Variants in EPHA2 observed in about 807,000 individuals in gnomAD.
EPHA2 encodes the protein ephrin type-A receptor 2.
In EPHA2, 54 loss-of-function variants were observed where a neutral mutation model predicts 104.9. That is an observed-to-expected ratio of 0.51 (90% CI 0.41 to 0.65). The LOEUF (loss-of-function observed/expected upper bound fraction) is 0.65, where lower values mean the gene tolerates loss of function less well. Ranked by LOEUF, EPHA2 falls within the 30% of genes least tolerant of loss-of-function variation. The probability of loss-of-function intolerance (pLI) is 0.00; values close to 1 mark genes in which losing one functional copy is unlikely to be tolerated. For missense variants in EPHA2, 1,117 were observed against 1,369.5 expected, an observed-to-expected ratio of 0.82 and a Z score of 2.91; for synonymous variants, 560 against 559.1, an observed-to-expected ratio of 1.00 and a Z score of -0.02.
At position 16,124,548 on chromosome 1, in the gene EPHA2, C is replaced by T. The variant is rs1425929726; in HGVS notation, c.*667G>A. ...CTCCTGCAGCACCGGTCCCTGAGTC[C>T]CCAGCTCACGAATGTTTGACACCCT... On this transcript the variant is annotated 3_prime_UTR_variant, in exon 17 of 17. Transcript: ENST00000358432. The T allele has an allele frequency of 6.5e-6, 1 of 152,672 alleles. No homozygotes were observed. Among genetic ancestry groups the T allele is most frequent in the Non-Finnish European group, 1.5e-5 (1 of 68,192 alleles). The allele number at this position is 152,672 out of a possible 1,614,324, so 9.5% of individuals were successfully genotyped here.
At position 16,131,129 on chromosome 1, in the gene EPHA2, C is replaced by T. The variant is rs1329802281; in HGVS notation, c.2475+592G>A. Among the ~76,000 whole-genome samples the T allele has an allele frequency of 6.6e-6, 1 of 152,202 alleles. No individual in the cohort carries two copies. Among genetic ancestry groups the T allele is most frequent in the East Asian group, 1.9e-4 (1 of 5,190 alleles). On this transcript the variant is annotated intron_variant, in intron 14 of 16. Transcript: ENST00000358432. The surrounding 1 kb of genome is among the most constrained non-coding windows in gnomAD (Gnocchi z 5.2). ...GAGGCACCAAGCACACAGACACACA[C>T]ACACATGCATGCATGCACATGTGCA...
In EPHA2 at chr1:16,138,239, C is replaced by T. The variant is rs11587462; in HGVS notation, c.979+36G>A. 5.0e-6 allele frequency: 8 copies of T among 1,612,634 alleles called. No homozygotes were observed. In the African/African-American group the frequency reaches 8.0e-5, roughly 16 times the overall value. ...GCTGGACCCAGGCGGACACGTCACC[C>T]TCAGTCACGCCACCCTGACCCACTG... On this transcript the variant is annotated intron_variant, in intron 4 of 16. Transcript: ENST00000358432.
intron 3 of EPHA2, among the ~76,000 whole-genome samples, chr1:16,143,652 G>A (rs1371566577): frequency 1.3e-5 from 2 of 152,072 alleles, no homozygotes; most frequent in Admixed American, 1.3e-4. Flanking sequence ...TCCTCCCAAG[G>A]CACAGCCACC....
Position 16,150,838 on chromosome 1 carries a change from C to T in EPHA2, c.153+58G>A, listed in dbSNP as rs981764365. Reference sequence around the variant, plus strand: ...TCCCTGGGCCTCAGTTTCTCCATCTCTACAGGGGACCAGCAGCCCCATTCT... The same window carrying T: ...TCCCTGGGCCTCAGTTTCTCCATCTTTACAGGGGACCAGCAGCCCCATTCT... On this transcript the variant is annotated intron_variant, in intron 2 of 16. Transcript: ENST00000358432. The surrounding 1 kb of genome is among the most constrained non-coding windows in gnomAD (Gnocchi z 4.8). 1 of 1,594,492 alleles carries T rather than the reference C, an allele frequency of 6.3e-7. No individual in the cohort carries two copies. The highest frequency in any genetic ancestry group is 1.3e-5 in the African/African-American group (1 of 74,496).
At chr1:16,133,660 G>A (rs1339896771) in intron 9 of EPHA2, 54 bp from the exon 10 acceptor site, 33 of 1,609,418 alleles carry the variant, frequency 2.1e-5, no homozygotes, top group African/African-American at 5.3e-5. Flanking sequence ...CCCATGGGGG[G>A]TGCTCTGGAG....
chr1:16,151,390 G>T (rs1369075096), intron 1 of EPHA2, among the ~76,000 whole-genome samples: 1 of 152,196 alleles, frequency 6.6e-6, no homozygotes, highest in Non-Finnish European at 1.5e-5. Context: ...AGCACTTCAC[G>T]TGCATGTGGG....
At position 16,128,439 on chromosome 1, in the gene EPHA2, C is replaced by A. The variant is rs2024508584; in HGVS notation, c.2825+995G>T. 6.6e-6 allele frequency among the ~76,000 whole-genome samples: 1 copy of A among 152,174 alleles called. No individual in the cohort carries two copies. On this transcript the variant is annotated intron_variant, in intron 16 of 16. Transcript: ENST00000358432. This position sits in a 1 kb window ranked among gnomAD's most constrained non-coding sequence, Gnocchi z 4.7. ...CCCAGCTGAGCAATTTCCAAAGGCC[C>A]TAGAGAATGTTCATGAACAGGCTCA...
rs370249065 is a variant in EPHA2, at chr1:16,133,853, G to A, written c.1738+7C>T. On this transcript the variant is annotated splice_region_variant and intron_variant, in intron 9 of 16. Transcript: ENST00000358432. Reference sequence around the variant, plus strand: ...GGGCTGGGCCTGGAGCGGGGGCTGCGTCTCACCTGACTTGGAGAAGTAAAC... The same window carrying A: ...GGGCTGGGCCTGGAGCGGGGGCTGCATCTCACCTGACTTGGAGAAGTAAAC... 2.9e-5 allele frequency: 45 copies of A among 1,545,782 alleles called. No individual in the cohort carries two copies. Among genetic ancestry groups the A allele is most frequent in the African/African-American group, 1.1e-4 (8 of 72,930 alleles).
chr1:16,148,008 T>C lies in EPHA2; in HGVS notation c.823+370A>G, dbSNP rs2124258968. 6.6e-6 allele frequency among the ~76,000 whole-genome samples: 1 copy of C among 152,138 alleles called. No homozygotes were observed. The highest frequency in any genetic ancestry group is 1.9e-4 in the East Asian group (1 of 5,174). The stretch of plus-strand genomic sequence containing the variant: ...CTCGTGCTTCAGCCTCCCAAGTAGC[T>C]GGGATTACAGGTGCATGCCACCACA... On this transcript the variant is annotated intron_variant, in intron 3 of 16. Coordinates refer to ENST00000358432, the MANE Select transcript of EPHA2 (RefSeq NM_004431.5). This position sits in a 1 kb window ranked among gnomAD's most constrained non-coding sequence, Gnocchi z 4.9.
chr1:16,141,419 C>T (rs1334177156), intron 3 of EPHA2, among the ~76,000 whole-genome samples: 1 of 152,252 alleles, frequency 6.6e-6, no homozygotes, highest in African/African-American at 2.4e-5. Flanking sequence ...CTCTCCTCCA[C>T]CAGATCTGTG....
In EPHA2 at chr1:16,133,236, A is replaced by G. The variant is rs1557504048; in HGVS notation, c.1997T>C (p.Ile666Thr). Residue 666 changes from isoleucine (I) to threonine (T), a missense_variant, in exon 11 of 17, where the codon ATC (isoleucine) becomes ACC (threonine). Physicochemically the swap from Ile to Thr is moderately conservative, Grantham distance 89. Coordinates refer to ENST00000358432, the MANE Select transcript of EPHA2 (RefSeq NM_004431.5). ...GTTGTGGTGGCTGAACTGGCCCATG[A>G]TGCCGGCCTCGCCGAGGAAGTCCAC... ...QRVDFLGEAGIMGQFSHHNII... is the reference protein window; with the variant it reads ...QRVDFLGEAGTMGQFSHHNII... The G allele has an allele frequency of 6.2e-7, 1 of 1,613,786 alleles. No homozygotes were observed. The highest frequency in any genetic ancestry group is 1.7e-5 in the Admixed American group (1 of 59,990).
rs2024550997 is a variant in EPHA2 at position 16,130,401 on chromosome 1, C to A, written c.2494G>T (p.Asp832Tyr). 6.5e-7 allele frequency: 1 copy of A among 1,546,664 alleles called. No homozygotes were observed. Among genetic ancestry groups the A allele is most frequent in the Non-Finnish European group, 8.7e-7 (1 of 1,143,576 alleles). Reference protein sequence around the residue: ...SNHEVMKAINDGFRLPTPMDC... With the variant: ...SNHEVMKAINYGFRLPTPMDC... ...ATGGGTGTGGGGAGCCGGAAGCCAT[C>A]ATTGATGGCTTTCATCACCTGGCGG... The change falls in exon 15 of 17, where the codon GAT becomes TAT. Residue 832 changes from aspartate to tyrosine, a missense_variant. This residue lies in a region of EPHA2 where 340 missense variants were observed against 480.5 expected (regional missense o/e 0.71). Coordinates refer to ENST00000358432, the MANE Select transcript of EPHA2 (RefSeq NM_004431.5). This position sits in a 1 kb window ranked among gnomAD's most constrained non-coding sequence, Gnocchi z 4.5.
Position 16,130,148 on chromosome 1 carries a change from T to C in EPHA2, c.2669+78A>G. On this transcript the variant is annotated intron_variant, in intron 15 of 16. Coordinates refer to ENST00000358432, the MANE Select transcript of EPHA2 (RefSeq NM_004431.5). The surrounding 1 kb of genome is among the most constrained non-coding windows in gnomAD (Gnocchi z 4.5). Reference sequence around the variant, plus strand: ...ACCCCCCCTACCAGCTTCACCTGGGTGGCCACTCTACCGAAGTGGTTCAAG... The same window carrying C: ...ACCCCCCCTACCAGCTTCACCTGGGCGGCCACTCTACCGAAGTGGTTCAAG... 1 of 1,586,512 alleles carries C rather than the reference T, an allele frequency of 6.3e-7. No homozygotes were observed. The highest frequency in any genetic ancestry group is 8.6e-7 in the Non-Finnish European group (1 of 1,156,492).
intron 5 of EPHA2, among the ~76,000 whole-genome samples, chr1:16,136,725 G>GAAGAAGAAA (rs1230564915): frequency 2.0e-4 from 29 of 142,190 alleles, no homozygotes; most frequent in Non-Finnish European, 4.0e-4. Context: ...AGAAGAAGAA[G>GAAGAAGAAA]AAGAAGAAGA....
intron 10 of EPHA2, 27 bp from the exon 11 acceptor site, chr1:16,133,395 GC>G: frequency 1.2e-6 from 2 of 1,613,792 alleles, no homozygotes; most frequent in Non-Finnish European, 1.7e-6. Context: ...TCAGGGGAGT[GC>G]CCTGGTCAGC....
intron 3 of EPHA2, among the ~76,000 whole-genome samples, chr1:16,144,052 C>A (rs1179135431): frequency 1.3e-5 from 2 of 152,170 alleles, no homozygotes; most frequent in African/African-American, 4.8e-5. Context: ...CCCCGCCTAC[C>A]GCTCCTGTCC....
intron 3 of EPHA2, among the ~76,000 whole-genome samples, chr1:16,142,403 C>G (rs576683869): frequency 1.3e-5 from 2 of 152,330 alleles, no homozygotes; most frequent in East Asian, 3.9e-4. Context: ...ACCAGCAGCT[C>G]CTGAGGAGCA....
Position 16,124,866 on chromosome 1 carries a change from G to A in EPHA2, c.*349C>T, listed in dbSNP as rs1200984338. On this transcript the variant is annotated 3_prime_UTR_variant, in exon 17 of 17. Transcript: ENST00000358432. ...CGCTGGGCCAAGCCCTCCATCTCCT[G>A]AGATGGCCTCATGTGGGAGAAGGCG... 1 of 299,396 alleles carries A rather than the reference G, an allele frequency of 3.3e-6. No individual in the cohort carries two copies. Among genetic ancestry groups the A allele is most frequent in the South Asian group, 3.7e-5 (1 of 26,918 alleles). 18.5% of individuals were successfully genotyped at this position (299,396 alleles called of 1,614,324 possible). A position where few individuals can be genotyped will look rare whatever the true frequency, so the allele number is the denominator to read the frequency against.
rs77385552 is a variant in EPHA2 at position 16,154,293 on chromosome 1, T to C, written c.85+1555A>G. On this transcript the variant is annotated intron_variant, in intron 1 of 16. Transcript: ENST00000358432. ...GGCAGAAATCCTTGCCATGAGCTCCTGCAACCAGAAGTCCCGGTTGAGACC... is the reference window on the plus strand; with the variant it reads ...GGCAGAAATCCTTGCCATGAGCTCCCGCAACCAGAAGTCCCGGTTGAGACC... Among the ~76,000 whole-genome samples the C allele has an allele frequency of 9.3e-3, 1,415 of 152,222 alleles. 25 individuals carry two copies. The highest frequency in any genetic ancestry group is 0.033 in the African/African-American group (1,369 of 41,546).
Sources: allele counts gnomAD v4.1 joint callset (sites outside exome capture counted in the v4.1 genomes callset), GRCh38; gene constraint gnomAD v4.1.1; regional missense constraint gnomAD v4.1.1; non-coding constraint Gnocchi (gnomAD v3.1); transcripts MANE v1.5; gene names NCBI Gene and HGNC (gene_info 2026-07-23, HGNC 2026-07-21).